Variants in GRIA4 observed in about 807,000 individuals in gnomAD.
The protein encoded by GRIA4 is glutamate receptor 4.
In GRIA4, 34 loss-of-function variants were observed where a neutral mutation model predicts 104.0. The ratio of observed to expected loss-of-function variants is 0.33; its 90% CI spans 0.25 to 0.44. The LOEUF (loss-of-function observed/expected upper bound fraction) is 0.44. GRIA4 is among the 20% of genes least tolerant of loss of function. The probability of loss-of-function intolerance (pLI) is 1.00; values close to 1 mark genes in which losing one functional copy is unlikely to be tolerated. For missense variants in GRIA4, 750 were observed against 1,096.5 expected (o/e 0.68, Z 4.46); for synonymous variants, 386 against 381.9 (o/e 1.01, Z -0.13).
chr11:105,981,806 T>A lies in GRIA4; in HGVS notation c.*2067T>A, dbSNP rs1016372957. 6.5e-5 allele frequency: 10 copies of A among 152,726 alleles called. No homozygotes were observed. Among genetic ancestry groups the A allele is most frequent in the African/African-American group, 2.2e-4 (9 of 41,446 alleles). 9.5% of individuals were successfully genotyped at this position (152,726 alleles called of 1,614,324 possible). A position where few individuals can be genotyped will look rare whatever the true frequency, so the allele number is the denominator to read the frequency against. ...TCTTTACCTGAGTAACTTGTACTCATCCTTCAATACTCCAACTGAATTTTA... is the reference window on the plus strand; with the variant it reads ...TCTTTACCTGAGTAACTTGTACTCAACCTTCAATACTCCAACTGAATTTTA... On this transcript the variant is annotated 3_prime_UTR_variant, in exon 17 of 17. Coordinates refer to ENST00000282499, the MANE Select transcript of GRIA4 (RefSeq NM_000829.4).
rs1186508981 is a variant in GRIA4 at position 105,612,448 on chromosome 11, A to C, written c.247+14A>C. 1.2e-6 allele frequency: 2 copies of C among 1,609,456 alleles called. No individual in the cohort carries two copies. The highest frequency in any genetic ancestry group is 2.7e-5 in the African/African-American group (2 of 74,674). ...TAACAAACGCCTGTAAGTAAAACAT[A>C]AGCTATGAAAAATTAGAAGAGAACT... On this transcript the variant is annotated intron_variant, in intron 3 of 16. Transcript: ENST00000282499.
At chr11:105,653,589 AG>A (rs1405539784) in intron 3 of GRIA4, among the ~76,000 whole-genome samples, 3 of 152,206 alleles carry the variant, frequency 2.0e-5, no homozygotes, top group Non-Finnish European at 4.4e-5. Flanking sequence ...AACTACAAAA[AG>A]TTAAGCCTCA....
rs113261836 is a variant in GRIA4 at position 105,924,432 on chromosome 11, A to T, written c.1510A>T (p.Thr504Ser). The change falls in exon 12 of 17, where the codon ACT becomes TCT. Residue 504 changes from threonine to serine, a missense_variant. Thr to Ser is a moderately conservative substitution (Grantham distance 58). Around this residue, in one of 3 missense-constraint regions of GRIA4, gnomAD observed 272 missense variants for 524.5 expected, o/e 0.52. Coordinates refer to ENST00000282499, the MANE Select transcript of GRIA4 (RefSeq NM_000829.4). ...AEIAIAPLTI[T>S]LVREEVIDFS... ...GATTGCTATTGCCCCTCTGACAATC[A>T]CTTTGGTACGAGAGGAGGTCATTGA... The T allele has an allele frequency of 6.2e-7, 1 of 1,603,448 alleles. No homozygotes were observed. The highest frequency in any genetic ancestry group is 8.5e-7 in the Non-Finnish European group (1 of 1,172,444).
intron 4 of GRIA4, among the ~76,000 whole-genome samples, chr11:105,834,731 G>A: frequency 2.0e-5 from 1 of 50,204 alleles, no homozygotes; most frequent in Non-Finnish European, 4.5e-5. Context: ...TTTTTTTTTT[G>A]CTACCATGCT....
chr11:105,798,230 C>A (rs1942572236), intron 4 of GRIA4, among the ~76,000 whole-genome samples: 2 of 151,838 alleles, frequency 1.3e-5, no homozygotes, highest in African/African-American at 2.4e-5. Context: ...AAGCAGGGAA[C>A]AAGGATATGA....
chr11:105,747,475 G>A (rs186636397), intron 3 of GRIA4, among the ~76,000 whole-genome samples: 8 of 152,246 alleles, frequency 5.3e-5, no homozygotes, highest in African/African-American at 1.7e-4. Context: ...ACAGTAACAC[G>A]TAAGACAGGA....
intron 5 of GRIA4, among the ~76,000 whole-genome samples, chr11:105,871,485 T>A (rs1002092532): frequency 6.7e-6 from 1 of 150,280 alleles, no homozygotes; most frequent in African/African-American, 2.4e-5. Context: ...TTGGGATTTT[T>A]AAAATAATAT....
At chr11:105,912,402 C>T in intron 10 of GRIA4, 3 of 957,772 alleles carry the variant, frequency 3.1e-6, no homozygotes, top group Non-Finnish European at 3.7e-6. Flanking sequence ...ACTAAAGGGA[C>T]TGGACAAATA....
chr11:105,951,683 T>C (rs535861567), intron 14 of GRIA4, among the ~76,000 whole-genome samples: 1 of 152,166 alleles, frequency 6.6e-6, no homozygotes, highest in Non-Finnish European at 1.5e-5. Flanking sequence ...CATTCAGTAT[T>C]TAAAAATGGG....
intron 4 of GRIA4, among the ~76,000 whole-genome samples, chr11:105,839,351 T>C (rs1944306903): frequency 6.6e-6 from 1 of 151,976 alleles, no homozygotes; most frequent in South Asian, 2.1e-4. Context: ...CATGTCTAAA[T>C]CCCTGATATG....
At chr11:105,657,716 T>C (rs1256894637) in intron 3 of GRIA4, among the ~76,000 whole-genome samples, 2 of 152,002 alleles carry the variant, frequency 1.3e-5, no homozygotes, top group Admixed American at 6.6e-5. Flanking sequence ...TCATAATCAG[T>C]CACCTACTGA....
At chr11:105,658,804 T>C (rs1054099624) in intron 3 of GRIA4, among the ~76,000 whole-genome samples, 15 of 151,864 alleles carry the variant, frequency 9.9e-5, no homozygotes, top group Non-Finnish European at 1.9e-4. Flanking sequence ...AGTAACAAAA[T>C]ATAATGAACT....
chr11:105,629,443 G>A (rs1036758231), intron 3 of GRIA4, among the ~76,000 whole-genome samples: 1 of 151,776 alleles, frequency 6.6e-6, no homozygotes, highest in South Asian at 2.1e-4. Flanking sequence ...TTTAACATAT[G>A]GGAAATATGT....
intron 4 of GRIA4, among the ~76,000 whole-genome samples, chr11:105,840,969 G>A (rs941905933): frequency 6.6e-6 from 1 of 152,106 alleles, no homozygotes; most frequent in Non-Finnish European, 1.5e-5. Context: ...CTTAGGGAAA[G>A]CTCTAACAAC....
chr11:105,641,379 T>G (rs1295986281), intron 3 of GRIA4, among the ~76,000 whole-genome samples: 1 of 152,192 alleles, frequency 6.6e-6, no homozygotes, highest in Non-Finnish European at 1.5e-5. Flanking sequence ...CTCTTGTCAC[T>G]CATGCTCCTT....
At chr11:105,714,369 A>G (rs1402404950) in intron 3 of GRIA4, among the ~76,000 whole-genome samples, 1 of 152,092 alleles carries the variant, frequency 6.6e-6, no homozygotes, top group East Asian at 1.9e-4. Context: ...AAATTTCTTA[A>G]TATTTTAACA....
intron 14 of GRIA4, among the ~76,000 whole-genome samples, chr11:105,940,950 A>G (rs1484488355): frequency 6.6e-6 from 1 of 152,204 alleles, no homozygotes; most frequent in African/African-American, 2.4e-5. Context: ...CATTTATTTT[A>G]ACATTTGTTC....
intron 4 of GRIA4, among the ~76,000 whole-genome samples, chr11:105,763,677 A>T (rs1361117723): frequency 6.6e-6 from 1 of 152,228 alleles, no homozygotes; most frequent in Non-Finnish European, 1.5e-5. Context: ...AGATCATAAC[A>T]AATAAGCATC....
intron 3 of GRIA4, among the ~76,000 whole-genome samples, chr11:105,641,384 C>T (rs556652489): frequency 6.6e-6 from 1 of 152,272 alleles, no homozygotes; most frequent in South Asian, 2.1e-4. Context: ...GTCACTCATG[C>T]TCCTTATAGC....
Sources: gnomAD v4.1 joint callset for allele counts (sites outside exome capture counted in the v4.1 genomes callset) on GRCh38, gnomAD v4.1.1 for gene constraint, gnomAD v4.1.1 regional missense constraint, MANE v1.5 for transcripts, NCBI Gene and HGNC (gene_info 2026-07-23, HGNC 2026-07-21) for gene names.